Variants in NKAIN2 observed in about 807,000 individuals in gnomAD.
NKAIN2 encodes the protein sodium/potassium-transporting ATPase subunit beta-1-interacting protein 2.
A neutral mutation model predicts 32.6 loss-of-function variants in NKAIN2; 14 were observed. The observed-to-expected ratio is 0.43, with a 90% CI of 0.28 to 0.67. The LOEUF is 0.67. NKAIN2 is among the 30% of genes least tolerant of loss of function. The pLI is 0.17. For synonymous variants in NKAIN2, 80 were observed against 87.2 expected, an observed-to-expected ratio of 0.92 and a Z score of 0.46; for missense variants, 198 against 258.3, an observed-to-expected ratio of 0.77 and a Z score of 1.60.
intron 2 of NKAIN2, among the ~76,000 whole-genome samples, chr6:124,354,974 G>A (rs947452268): frequency 6.6e-6 from 1 of 151,330 alleles, no homozygotes; most frequent in Non-Finnish European, 1.5e-5. Flanking sequence ...GGAGGCTGAG[G>A]GTGGAGAATC....
intron 4 of NKAIN2, among the ~76,000 whole-genome samples, chr6:124,776,158 C>G (rs6923265): frequency 0.18 from 26,981 of 152,116 alleles, 3,120 homozygotes; most frequent in African/African-American, 0.32. Flanking sequence ...ACTGTCCATC[C>G]TGTAAGCAAT....
Position 124,438,568 on chromosome 6 carries a change from A to G in NKAIN2, c.273+83221A>G, listed in dbSNP as rs530933410. Among the ~76,000 whole-genome samples, 8 of 152,270 alleles carry G rather than the reference A, an allele frequency of 5.3e-5. 1 individual carries two copies. In the East Asian group the frequency reaches 1.2e-3, roughly 22 times the overall value. ...ACAAAACAAAAACTCAGGGCTTACT[A>G]CCTTTCACTTGTCATCCTCTCTGTT... is the stretch of plus-strand genomic sequence containing the variant. On this transcript the variant is annotated intron_variant, in intron 3 of 6. Coordinates refer to ENST00000368417, the MANE Select transcript of NKAIN2 (RefSeq NM_001040214.3).
chr6:124,738,714 C>A (rs2114682625), intron 4 of NKAIN2, among the ~76,000 whole-genome samples: 1 of 151,898 alleles, frequency 6.6e-6, no homozygotes, highest in East Asian at 1.9e-4. Context: ...TACCAGAAGA[C>A]CTTGGCTGGG....
chr6:124,482,905 C>T (rs187679015), intron 3 of NKAIN2, among the ~76,000 whole-genome samples: 4 of 152,138 alleles, frequency 2.6e-5, no homozygotes, highest in Non-Finnish European at 2.9e-5. Context: ...GAGGCCGAGG[C>T]GGGCGGATCA....
intron 1 of NKAIN2, among the ~76,000 whole-genome samples, chr6:123,922,565 A>C (rs1276677276): frequency 6.6e-6 from 1 of 152,088 alleles, no homozygotes; most frequent in Non-Finnish European, 1.5e-5. Flanking sequence ...CCCTGTATAT[A>C]GATTTTGGTC....
intron 1 of NKAIN2, among the ~76,000 whole-genome samples, chr6:124,063,443 G>A (rs760029442): frequency 1.1e-4 from 16 of 152,162 alleles, no homozygotes; most frequent in Admixed American, 4.6e-4. Context: ...ATTTAATTTA[G>A]TCATTGATCA....
At chr6:124,815,269 T>C (rs961244214) in intron 5 of NKAIN2, among the ~76,000 whole-genome samples, 1 of 148,012 alleles carries the variant, frequency 6.8e-6, no homozygotes, top group African/African-American at 2.5e-5. Flanking sequence ...TATGTGTATA[T>C]ATATGTATAT....
chr6:123,974,996 GA>G (rs1164482287), intron 1 of NKAIN2, among the ~76,000 whole-genome samples: 1 of 152,122 alleles, frequency 6.6e-6, no homozygotes, highest in African/African-American at 2.4e-5. Flanking sequence ...TTCTGGACCT[GA>G]ATCCATTTAT....
intron 3 of NKAIN2, among the ~76,000 whole-genome samples, chr6:124,601,772 C>A (rs1315776857): frequency 1.3e-5 from 2 of 151,904 alleles, no homozygotes; most frequent in Non-Finnish European, 2.9e-5. Context: ...TGAAGAAATT[C>A]CAGTGATTCC....
intron 2 of NKAIN2, among the ~76,000 whole-genome samples, chr6:124,302,014 C>T (rs1796310786): frequency 6.6e-6 from 1 of 152,138 alleles, no homozygotes; most frequent in African/African-American, 2.4e-5. Context: ...ACCCAAATCT[C>T]ACCTTGAATT....
rs549312459 is a variant in NKAIN2, at chr6:124,683,086, G to A, written c.474+24700G>A. ...TAGGCTTGGTTTTCCACCCACCTTTGTCCTCAAACACATTTGTAACAAACA... is the reference window on the plus strand; with the variant it reads ...TAGGCTTGGTTTTCCACCCACCTTTATCCTCAAACACATTTGTAACAAACA... On this transcript the variant is annotated intron_variant, in intron 4 of 6. Coordinates refer to ENST00000368417, the MANE Select transcript of NKAIN2 (RefSeq NM_001040214.3). 2.0e-5 allele frequency among the ~76,000 whole-genome samples: 3 copies of A among 152,266 alleles called. No individual in the cohort carries two copies. The East Asian group carries it at 5.8e-4, about 29-fold the overall frequency.
chr6:124,775,570 T>C (rs6902073), intron 4 of NKAIN2, among the ~76,000 whole-genome samples: 22,190 of 152,148 alleles, frequency 0.15, 1,809 homozygotes, highest in African/African-American at 0.21. Context: ...TTCATTTTCC[T>C]TCAAAAACTC....
intron 1 of NKAIN2, among the ~76,000 whole-genome samples, chr6:124,105,863 G>A (rs1384446460): frequency 6.6e-6 from 1 of 152,138 alleles, no homozygotes; most frequent in Non-Finnish European, 1.5e-5. Flanking sequence ...AAGTAACAAT[G>A]ATAGCAAACA....
chr6:124,001,749 T>G (rs1047540635), intron 1 of NKAIN2, among the ~76,000 whole-genome samples: 4 of 149,290 alleles, frequency 2.7e-5, no homozygotes, highest in Non-Finnish European at 5.9e-5. Context: ...TCAATTACTA[T>G]TCAGTGTTTA....
rs924012753 is a variant in NKAIN2, at chr6:124,619,782, ATTTCC to A, written c.274-38400_274-38396del. Among the ~76,000 whole-genome samples the A allele has an allele frequency of 2.0e-5, 3 of 152,284 alleles. No individual in the cohort carries two copies. In the East Asian group the frequency reaches 5.8e-4, roughly 29 times the overall value. ...TATGTAATGATTATCAGTGTCTCCT[ATTTCC>A]TTTTAGATGAAAAACTATCTTTCTG... On this transcript the variant is annotated intron_variant, in intron 3 of 6. Coordinates refer to ENST00000368417, the MANE Select transcript of NKAIN2 (RefSeq NM_001040214.3).
intron 4 of NKAIN2, among the ~76,000 whole-genome samples, chr6:124,663,208 C>T (rs567960626): frequency 2.4e-4 from 37 of 152,146 alleles, no homozygotes; most frequent in South Asian, 1.7e-3. Context: ...CACTGGATCA[C>T]GAGGTCAGGA....
At chr6:124,560,438 G>GTCTT (rs1409978633) in intron 3 of NKAIN2, among the ~76,000 whole-genome samples, 1 of 152,194 alleles carries the variant, frequency 6.6e-6, no homozygotes, top group Non-Finnish European at 1.5e-5. Flanking sequence ...CCTCAGGTAT[G>GTCTT]TCTTTGTTTT....
chr6:123,987,573 C>T (rs1779197907), intron 1 of NKAIN2, among the ~76,000 whole-genome samples: 1 of 152,148 alleles, frequency 6.6e-6, no homozygotes, highest in African/African-American at 2.4e-5. Flanking sequence ...TTATCTGGAA[C>T]TCAAGGGCCT....
intron 3 of NKAIN2, among the ~76,000 whole-genome samples, chr6:124,502,327 T>G (rs193168068): frequency 5.3e-5 from 8 of 152,322 alleles, no homozygotes; most frequent in Admixed American, 3.3e-4. Flanking sequence ...GTGCATTTTC[T>G]CTTAAGTTAC....
Sources: gnomAD v4.1 joint callset for allele counts (sites outside exome capture counted in the v4.1 genomes callset) on GRCh38, gnomAD v4.1.1 for gene constraint, MANE v1.5 for transcripts, NCBI Gene and HGNC (gene_info 2026-07-23, HGNC 2026-07-21) for gene names.